Variants in NARF observed in about 807,000 individuals in gnomAD.
NARF encodes the protein iron-only hydrogenase-like protein 2.
In NARF, 41 loss-of-function variants were observed where a neutral mutation model predicts 48.0. That is an observed-to-expected ratio of 0.85 (90% CI 0.66 to 1.11). The LOEUF is 1.11. Ranked by LOEUF, NARF falls within the 50% of genes least tolerant of loss-of-function variation. NARF has a pLI of 0.00. For missense variants in NARF, 613 were observed against 590.2 expected (o/e 1.04, Z -0.40); for synonymous variants, 215 against 225.5 (o/e 0.95, Z 0.42).
intron 8 of NARF, 128 bp from the exon 9 acceptor site, chr17:82,484,685 A>G (rs1289309244): frequency 8.5e-7 from 1 of 1,170,714 alleles, no homozygotes; most frequent in South Asian, 1.7e-5. Flanking sequence ...AAGTTTAAAC[A>G]TCTGTACAGG....
chr17:82,472,085 A>G (rs961521863), intron 4 of NARF, among the ~76,000 whole-genome samples: 2 of 152,230 alleles, frequency 1.3e-5, no homozygotes, highest in South Asian at 2.1e-4. Flanking sequence ...GCCGTTAGGA[A>G]TAGATAAGAA....
chr17:82,479,355 C>G (rs1394827035), intron 6 of NARF: 1 of 162,944 alleles, frequency 6.1e-6, no homozygotes, highest in African/African-American at 2.4e-5. Context: ...GCCTTTCCCT[C>G]AGACCACGGG....
intron 3 of NARF, 84 bp downstream of exon 3, chr17:82,464,514 T>G: frequency 6.8e-7 from 1 of 1,473,020 alleles, no homozygotes; most frequent in Non-Finnish European, 9.1e-7. Flanking sequence ...CACAGAAGCC[T>G]CTGCTGGGAC....
chr17:82,466,554 G>A (rs2043573229), intron 3 of NARF, among the ~76,000 whole-genome samples: 1 of 152,068 alleles, frequency 6.6e-6, no homozygotes, highest in Admixed American at 6.6e-5. Flanking sequence ...CTGGGTTCAA[G>A]CAATTCTCCT....
chr17:82,483,904 C>A (rs1259442495), intron 8 of NARF, 125 bp downstream of exon 8: 5 of 794,114 alleles, frequency 6.3e-6, no homozygotes, highest in Non-Finnish European at 1.0e-5. Flanking sequence ...GCGATGCAGT[C>A]CCCCAGGCCC....
chr17:82,468,791 C>T lies in NARF; in HGVS notation c.280C>T (p.Leu94=). Reference sequence around the variant, plus strand: ...ATGTGATACCTCAAAGCACAAAGTGCTGGTAGTGTCTGTGTGTCCTCAATC... The same window carrying T: ...ATGTGATACCTCAAAGCACAAAGTGTTGGTAGTGTCTGTGTGTCCTCAATC... ...KKCDTSKHKV[L]VVSVCPQSLP... Residue 94 remains leucine, a synonymous_variant, in exon 4 of 11, where the codon CTG becomes TTG. Transcript: ENST00000309794. 1 of 1,614,070 alleles carries T rather than the reference C, an allele frequency of 6.2e-7. No individual in the cohort carries two copies. Among genetic ancestry groups the T allele is most frequent in the Non-Finnish European group, 8.5e-7 (1 of 1,179,954 alleles).
rs981707930 is a variant in NARF at position 82,483,024 on chromosome 17, TA to T, written c.770-682del. 84 of 144,402 alleles carry T rather than the reference TA, an allele frequency of 5.8e-4. No individual in the cohort carries two copies. In the Middle Eastern group the frequency reaches 0.014, roughly 24 times the overall value. The allele number at this position is 144,402 out of a possible 1,614,324, so 8.9% of individuals were successfully genotyped here. On this transcript the variant is annotated intron_variant, in intron 7 of 10. Transcript: ENST00000309794. ...TGGCTAGACTGGCGACCTTGTTTCT[TA>T]AAAAAAAAAGGGCTGGGTGCAGTGG... is the stretch of plus-strand genomic sequence containing the variant.
chr17:82,458,830 G>A lies in NARF; in HGVS notation c.27G>A (p.Lys9=), dbSNP rs1367617091. Residue 9 remains lysine, a splice_region_variant and synonymous_variant, in exon 1 of 11, where the codon AAG becomes AAA. Transcript: ENST00000309794. ...TGAAGTGTGAGCACTGCACGCGCAA[G>A]GTGAGCGCCGCGGGCCGGGGAGGCG... MKCEHCTR[K]ECSKKTKTDD... 7.1e-6 allele frequency: 10 copies of A among 1,409,420 alleles called. No homozygotes were observed. Among genetic ancestry groups the A allele is most frequent in the African/African-American group, 3.0e-5 (2 of 66,872 alleles). 87.3% of individuals were successfully genotyped at this position (1,409,420 alleles called of 1,614,324 possible).
intron 5 of NARF, among the ~76,000 whole-genome samples, chr17:82,476,395 G>A (rs1410297768): frequency 6.6e-6 from 1 of 152,116 alleles, no homozygotes. Context: ...GCCTGCCTCG[G>A]CCTCCCAAAG....
intron 4 of NARF, among the ~76,000 whole-genome samples, chr17:82,469,623 A>T (rs2043650975): frequency 6.6e-6 from 1 of 151,910 alleles, no homozygotes; most frequent in South Asian, 2.1e-4. Flanking sequence ...TTGTTTTTTG[A>T]GCTGGAGTCT....
At chr17:82,487,713 C>A (rs545075349) in intron 10 of NARF, among the ~76,000 whole-genome samples, 69 of 152,280 alleles carry the variant, frequency 4.5e-4, no homozygotes, top group African/African-American at 1.7e-3. Context: ...GGTCCCAGCT[C>A]GAAGTAGGAT....
chr17:82,459,972 T>C lies in NARF; in HGVS notation c.28-20T>C, dbSNP rs772812562. ...AGACGAAGTAAAAGTTCATTGATAA[T>C]GTTCCTTTGCTTTTTTAAGGAATGT... On this transcript the variant is annotated intron_variant, in intron 1 of 10. Coordinates refer to ENST00000309794, the MANE Select transcript of NARF (RefSeq NM_012336.4). 3.1e-6 allele frequency: 5 copies of C among 1,597,186 alleles called. No homozygotes were observed. The highest frequency in any genetic ancestry group is 4.3e-6 in the Non-Finnish European group (5 of 1,165,380).
At chr17:82,486,705 G>A (rs1285354066) in intron 10 of NARF, among the ~76,000 whole-genome samples, 1 of 152,158 alleles carries the variant, frequency 6.6e-6, no homozygotes, top group African/African-American at 2.4e-5. Flanking sequence ...GTGGAGCTGG[G>A]GCCTGAGGAA....
intron 10 of NARF, 140 bp downstream of exon 10, chr17:82,485,794 C>T: frequency 1.1e-6 from 1 of 936,786 alleles, no homozygotes; most frequent in South Asian, 1.7e-5. Context: ...TATGGATGCT[C>T]CCGTGGGGCT....
intron 5 of NARF, among the ~76,000 whole-genome samples, chr17:82,474,193 G>A (rs532986414): frequency 1.3e-5 from 2 of 152,112 alleles, no homozygotes; most frequent in South Asian, 4.1e-4. Context: ...AAGAAAATCC[G>A]TTTTCTCTTG....
chr17:82,459,966 T>C, intron 1 of NARF, 26 bp from the exon 2 acceptor site: 1 of 1,580,412 alleles, frequency 6.3e-7, no homozygotes, highest in Non-Finnish European at 8.7e-7. Context: ...AAAAGTTCAT[T>C]GATAATGTTC....
intron 6 of NARF, chr17:82,479,203 G>A: frequency 3.8e-6 from 1 of 264,154 alleles, no homozygotes; most frequent in Non-Finnish European, 7.3e-6. Context: ...TGCCCACCCT[G>A]CTGAGAATGA....
At chr17:82,480,289 G>GCACACACACA (rs3068087) in intron 6 of NARF, 37 of 377,252 alleles carry the variant, frequency 9.8e-5, no homozygotes, top group African/African-American at 6.8e-4. Context: ...GCCAGCGCGC[G>GCACACACACA]CACACACACA....
chr17:82,482,836 C>T (rs1054948145), intron 7 of NARF: 9 of 151,842 alleles, frequency 5.9e-5, no homozygotes, highest in Admixed American at 5.2e-4. Flanking sequence ...CACTCTGTCA[C>T]CCAGGCTCTG....
Sources: gnomAD v4.1 joint callset for allele counts (sites outside exome capture counted in the v4.1 genomes callset) on GRCh38, gnomAD v4.1.1 for gene constraint, MANE v1.5 for transcripts, NCBI Gene and HGNC (gene_info 2026-07-23, HGNC 2026-07-21) for gene names.